DNAH2: variants seen among roughly 807,000 people sequenced by gnomAD.
DNAH2 encodes the protein dynein axonemal heavy chain 2.
A neutral mutation model predicts 523.5 loss-of-function variants in DNAH2; 323 were observed. The observed-to-expected ratio is 0.62, with a 90% CI of 0.56 to 0.68. DNAH2 has a LOEUF of 0.68. Ranked by LOEUF, DNAH2 falls within the 30% of genes least tolerant of loss-of-function variation. DNAH2 has a pLI of 0.00. For missense variants in DNAH2, 4,907 were observed against 5,701.5 expected (o/e 0.86, Z 4.49); for synonymous variants, 2,093 against 2,177.4 (o/e 0.96, Z 1.08).
intron 57 of DNAH2, 52 bp downstream of exon 57, chr17:7,801,762 G>A: frequency 3.7e-6 from 6 of 1,608,850 alleles, no homozygotes; most frequent in Middle Eastern, 1.7e-4. Flanking sequence ...CCTCTCCCCC[G>A]CCTCTCATCT....
Position 7,770,907 on chromosome 17 carries a change from G to A in DNAH2, c.4336G>A (p.Val1446Met). Residue 1446 changes from valine (V) to methionine (M), a missense_variant, in exon 27 of 86, where the codon GTG becomes ATG. This residue lies in a region of DNAH2 where 2,806 missense variants were observed against 3,190.8 expected (regional missense o/e 0.88). Coordinates refer to ENST00000572933, the MANE Select transcript of DNAH2 (RefSeq NM_020877.5). ...ILEVIEMILT[V>M]QRQWMYLENI... ...GGAGGTTATTGAGATGATTCTCACA[G>A]TGCAGCGTCAGTGGATGTACTTAGA... The A allele has an allele frequency of 6.2e-7, 1 of 1,614,018 alleles. No homozygotes were observed.
chr17:7,805,518 G>A (rs137970645), intron 61 of DNAH2, 125 bp downstream of exon 61: 1 of 1,392,538 alleles, frequency 7.2e-7, no homozygotes, highest in African/African-American at 1.4e-5. Flanking sequence ...AAGAGCACAG[G>A]GCCTAGTAGA....
chr17:7,817,802 G>T lies in DNAH2; in HGVS notation c.10182G>T (p.Met3394Ile). ...IVTRGNRWAL[M>I]IDPQAQALKW... Reference sequence around the variant, plus strand: ...ACTCCCCTTCCAGGTGGGCACTGATGATCGACCCTCAGGCCCAGGCCCTGA... The same window carrying T: ...ACTCCCCTTCCAGGTGGGCACTGATTATCGACCCTCAGGCCCAGGCCCTGA... The change falls in exon 67 of 86, where the codon ATG (methionine) becomes ATT (isoleucine). Residue 3394 changes from methionine (M) to isoleucine (I), a missense_variant. By Grantham distance (10) the Met-to-Ile change is conservative (BLOSUM62 1). Transcript: ENST00000572933. The T allele has an allele frequency of 6.2e-7, 1 of 1,614,086 alleles. No homozygotes were observed. Among genetic ancestry groups the T allele is most frequent in the Non-Finnish European group, 8.5e-7 (1 of 1,180,012 alleles).
chr17:7,755,533 G>T (rs2075811765), intron 12 of DNAH2, among the ~76,000 whole-genome samples: 1 of 152,118 alleles, frequency 6.6e-6, no homozygotes, highest in Non-Finnish European at 1.5e-5. Flanking sequence ...TAGGGAGGGG[G>T]TTAACAGGAA....
rs1481029885 is a variant in DNAH2, at chr17:7,816,862, G to T, written c.9894+127G>T. On this transcript the variant is annotated intron_variant, in intron 64 of 85. Coordinates refer to ENST00000572933, the MANE Select transcript of DNAH2 (RefSeq NM_020877.5). ...CTGGGTATAGGGAACTCTAAGAACT[G>T]AGGCGTGGGAGCTCTTCCCCTCCCC... The T allele has an allele frequency of 2.5e-6, 3 of 1,207,570 alleles. No homozygotes were observed. In the African/African-American group the frequency reaches 4.6e-5, roughly 18 times the overall value. The allele number at this position is 1,207,570 out of a possible 1,614,324, so 74.8% of individuals were successfully genotyped here.
intron 30 of DNAH2, among the ~76,000 whole-genome samples, chr17:7,775,673 G>GA (rs2151232894): frequency 8.4e-6 from 1 of 118,700 alleles, no homozygotes; most frequent in African/African-American, 3.3e-5. Flanking sequence ...GAACAAGAGT[G>GA]AAACTCCGTC....
At chr17:7,765,632 G>C in intron 21 of DNAH2, 67 bp downstream of exon 21, 1 of 1,547,476 alleles carries the variant, frequency 6.5e-7, no homozygotes, top group Non-Finnish European at 8.7e-7. Context: ...CCAAGCCCAG[G>C]TCCTGGGAAG....
chr17:7,814,666 G>A (rs1226048822), intron 63 of DNAH2, among the ~76,000 whole-genome samples: 2 of 152,236 alleles, frequency 1.3e-5, no homozygotes, highest in East Asian at 1.9e-4. Flanking sequence ...CTGAGGTCAG[G>A]AGTTTGAGAT....
intron 1 of DNAH2, among the ~76,000 whole-genome samples, chr17:7,719,122 G>A (rs200456476): frequency 4.2e-5 from 2 of 47,394 alleles, no homozygotes; most frequent in East Asian, 1.1e-3. Context: ...GGGGTGTCTG[G>A]CCATCTTTTT....
intron 8 of DNAH2, chr17:7,739,134 G>A (rs778729218): frequency 8.2e-5 from 49 of 595,456 alleles, no homozygotes; most frequent in Non-Finnish European, 1.3e-4. Flanking sequence ...GGCCAGGCGC[G>A]GTGGCTCACG....
At chr17:7,741,035 G>T (rs200150756) in intron 11 of DNAH2, 43 bp downstream of exon 11, 20 of 1,561,574 alleles carry the variant, frequency 1.3e-5, no homozygotes, top group South Asian at 1.2e-4. Context: ...CAGTGAGACC[G>T]CCAGGAGGGA....
intron 22 of DNAH2, among the ~76,000 whole-genome samples, chr17:7,767,253 G>A (rs554001192): frequency 6.6e-6 from 1 of 152,118 alleles, no homozygotes; most frequent in Non-Finnish European, 1.5e-5. Flanking sequence ...TCCATGGTGT[G>A]GCATGGATCA....
At chr17:7,723,266 G>A (rs1476485047) in intron 2 of DNAH2, among the ~76,000 whole-genome samples, 20 of 89,482 alleles carry the variant, frequency 2.2e-4, no homozygotes, top group East Asian at 2.1e-3. Context: ...CACTGTACCC[G>A]GCTTTTTTTT....
chr17:7,763,779 G>A, intron 18 of DNAH2, 52 bp from the exon 19 acceptor site: 3 of 1,606,244 alleles, frequency 1.9e-6, no homozygotes, highest in Non-Finnish European at 2.6e-6. Flanking sequence ...GGGGACAGAG[G>A]GTATGTCTGC....
At position 7,725,004 on chromosome 17, in the gene DNAH2, A is replaced by G. The variant is rs558526399; in HGVS notation, c.228+1315A>G. Among the ~76,000 whole-genome samples, 11 of 152,154 alleles carry G rather than the reference A, an allele frequency of 7.2e-5. No individual in the cohort carries two copies. The South Asian group carries it at 1.2e-3, about 17-fold the overall frequency. ...CTGATCCACCTGCCTCGGCCTCCCA[A>G]AGTGCTAGGATTACAGGTGTCAGCC... On this transcript the variant is annotated intron_variant, in intron 3 of 85. Coordinates refer to ENST00000572933, the MANE Select transcript of DNAH2 (RefSeq NM_020877.5).
chr17:7,746,067 G>A (rs2075510236), intron 12 of DNAH2, among the ~76,000 whole-genome samples: 1 of 152,178 alleles, frequency 6.6e-6, no homozygotes, highest in East Asian at 1.9e-4. Flanking sequence ...TCCTCACAAA[G>A]AATGAACAAC....
chr17:7,817,286 C>T lies in DNAH2; in HGVS notation c.9895-4C>T. ...GCAGGCTTACCCTCCCTCCTGTCCG[C>T]CAGGGCCTGGAGGAGGACCTGGGCT... On this transcript the variant is annotated splice_polypyrimidine_tract_variant and splice_region_variant and intron_variant, in intron 64 of 85. Transcript: ENST00000572933. 1 of 1,588,110 alleles carries T rather than the reference C, an allele frequency of 6.3e-7. No individual in the cohort carries two copies. The highest frequency in any genetic ancestry group is 8.5e-7 in the Non-Finnish European group (1 of 1,173,252).
chr17:7,798,771 A>G lies in DNAH2; in HGVS notation c.8559+53A>G. ...GTCAGTTCTTTGGCCTGCCTAGCTG[A>G]CCCCAGAAGGACCACAGCTCCCAGA... is the stretch of plus-strand genomic sequence containing the variant. On this transcript the variant is annotated intron_variant, in intron 55 of 85. Coordinates refer to ENST00000572933, the MANE Select transcript of DNAH2 (RefSeq NM_020877.5). The surrounding 1 kb of genome is among the most constrained non-coding windows in gnomAD (Gnocchi z 5.5). The G allele has an allele frequency of 6.4e-7, 1 of 1,571,670 alleles. No individual in the cohort carries two copies. The highest frequency in any genetic ancestry group is 8.6e-7 in the Non-Finnish European group (1 of 1,159,308).
In DNAH2 at chr17:7,778,196, T is replaced by A; in HGVS notation, c.5351+16T>A. On this transcript the variant is annotated intron_variant, in intron 34 of 85. Transcript: ENST00000572933. ...TGACGGACAGGTCTGCCATGTGGGA[T>A]GAATGAGGTGGCTGGGGTGGGGGGC... is the stretch of plus-strand genomic sequence containing the variant. The A allele has an allele frequency of 1.2e-6, 2 of 1,614,138 alleles. No homozygotes were observed. Among genetic ancestry groups the A allele is most frequent in the Non-Finnish European group, 1.7e-6 (2 of 1,180,016 alleles).
Sources: gnomAD v4.1 joint callset for allele counts (sites outside exome capture counted in the v4.1 genomes callset) on GRCh38, gnomAD v4.1.1 for gene constraint, gnomAD v4.1.1 regional missense constraint, Gnocchi (gnomAD v3.1) non-coding constraint, MANE v1.5 for transcripts, NCBI Gene and HGNC (gene_info 2026-07-23, HGNC 2026-07-21) for gene names.